Variants in ANKRD11 observed in about 807,000 individuals in gnomAD.
ANKRD11 encodes the protein ankyrin repeat domain 11, also known as ankyrin repeat domain-containing protein 11.
In ANKRD11, 17 loss-of-function variants were observed where a neutral mutation model predicts 195.7. The ratio of observed to expected loss-of-function variants is 0.09; its 90% CI spans 0.06 to 0.13. The LOEUF (loss-of-function observed/expected upper bound fraction) is 0.13, where lower values mean the gene tolerates loss of function less well. Among genes scored for constraint, ANKRD11 ranks in the 10% least tolerant of loss-of-function variants. The pLI, the probability that ANKRD11 is intolerant of heterozygous loss-of-function variation, is 1.00. For synonymous variants in ANKRD11, 1,953 were observed against 1,528.1 expected, an observed-to-expected ratio of 1.28 and a Z score of -6.49; for missense variants, 3,735 against 3,566.1, an observed-to-expected ratio of 1.05 and a Z score of -1.21.
chr16:89,448,180 C>T (rs1567819642), intron 1 of ANKRD11, among the ~76,000 whole-genome samples: 1 of 151,736 alleles, frequency 6.6e-6, no homozygotes, highest in Non-Finnish European at 1.5e-5. Context: ...CAGTGGGCAC[C>T]CTGCAGACAG....
chr16:89,490,024 C>T (rs1306327048), intron 1 of ANKRD11, among the ~76,000 whole-genome samples: 3 of 147,778 alleles, frequency 2.0e-5, no homozygotes, highest in East Asian at 4.0e-4. Flanking sequence ...CCCCCGGCTG[C>T]CCCGAACCCG....
At chr16:89,486,167 G>A (rs974919265) in intron 1 of ANKRD11, among the ~76,000 whole-genome samples, 1 of 152,152 alleles carries the variant, frequency 6.6e-6, no homozygotes, top group Non-Finnish European at 1.5e-5. Context: ...GAAAACAAAA[G>A]GGGGCTGAGC....
intron 4 of ANKRD11, among the ~76,000 whole-genome samples, chr16:89,303,821 T>C (rs958112958): frequency 1.3e-5 from 2 of 152,090 alleles, no homozygotes; most frequent in Non-Finnish European, 2.9e-5. Flanking sequence ...GGATCCTCTT[T>C]ACTGGCTGTG....
At chr16:89,320,453 T>C (rs991311179) in intron 2 of ANKRD11, 3 of 152,228 alleles carry the variant, frequency 2.0e-5, no homozygotes, top group African/African-American at 4.8e-5. Flanking sequence ...TCACGCCCTG[T>C]GCTGAGCGGC....
At chr16:89,275,683 G>T (rs2033593231) in intron 9 of ANKRD11, among the ~76,000 whole-genome samples, 1 of 152,144 alleles carries the variant, frequency 6.6e-6, no homozygotes. Flanking sequence ...GCTCGGGGGA[G>T]GGAAGCACGC....
intron 2 of ANKRD11, among the ~76,000 whole-genome samples, chr16:89,413,982 C>G (rs898266346): frequency 4.6e-5 from 7 of 152,242 alleles, no homozygotes; most frequent in Admixed American, 1.3e-4. Flanking sequence ...GCGGAGGGGG[C>G]TCGGCTCTGG....
intron 1 of ANKRD11, among the ~76,000 whole-genome samples, chr16:89,438,486 A>C (rs1239669613): frequency 6.6e-6 from 1 of 151,894 alleles, no homozygotes; most frequent in Non-Finnish European, 1.5e-5. Flanking sequence ...CATCCAGCTA[A>C]TTTGTGTGTG....
chr16:89,273,871 C>G (rs559059165), intron 11 of ANKRD11, among the ~76,000 whole-genome samples: 2 of 152,002 alleles, frequency 1.3e-5, no homozygotes, highest in African/African-American at 4.8e-5. Flanking sequence ...GTGCCCAGGG[C>G]TGGGGTGGCG....
At position 89,267,725 on chromosome 16, in the gene ANKRD11, A is replaced by G. The variant is rs1200787845; in HGVS notation, c.*753T>C. 1 of 152,378 alleles carries G rather than the reference A, an allele frequency of 6.6e-6. No individual in the cohort carries two copies. Among genetic ancestry groups the G allele is most frequent in the Non-Finnish European group, 1.5e-5 (1 of 68,070 alleles). 9.4% of individuals were successfully genotyped at this position (152,378 alleles called of 1,614,324 possible). A position where few individuals can be genotyped will look rare whatever the true frequency, so the allele number is the denominator to read the frequency against. On this transcript the variant is annotated 3_prime_UTR_variant, in exon 13 of 13. Transcript: ENST00000301030. ...TGTGCAGTAATGTGTTGCAAAATAAATTATCTAGAAGGCAGCAAAAGTACA... is the reference window on the plus strand; with the variant it reads ...TGTGCAGTAATGTGTTGCAAAATAAGTTATCTAGAAGGCAGCAAAAGTACA...
chr16:89,340,819 A>G lies in ANKRD11; in HGVS notation c.-59-23741T>C, dbSNP rs537424591. On this transcript the variant is annotated intron_variant, in intron 2 of 12. Transcript: ENST00000301030. ...CCCAGAAATCACACAGAAAATGTAC[A>G]GGTATGTGGACAGTCCTGGGGAGAG... Among the ~76,000 whole-genome samples, 168 of 152,338 alleles carry G rather than the reference A, an allele frequency of 1.1e-3. 2 individuals are homozygous for G. Among genetic ancestry groups the G allele is most frequent in the Non-Finnish European group, 1.9e-3 (132 of 68,022 alleles).
intron 1 of ANKRD11, among the ~76,000 whole-genome samples, chr16:89,445,632 C>G (rs1482366765): frequency 6.6e-6 from 1 of 152,148 alleles, no homozygotes; most frequent in Non-Finnish European, 1.5e-5. Context: ...ACTCTGATAT[C>G]TCAACATCCT....
chr16:89,281,953 A>C lies in ANKRD11; in HGVS notation c.4589T>G (p.Leu1530Arg). Residue 1530 changes from leucine to arginine, a missense_variant, in exon 9 of 13, where the codon CTG (leucine) becomes CGG (arginine). Coordinates refer to ENST00000301030, the MANE Select transcript of ANKRD11 (RefSeq NM_013275.6). The surrounding 1 kb of genome is among the most constrained non-coding windows in gnomAD (Gnocchi z 5.5). ...TGCACCGTCCTTGAATTTCTCCTTC[A>C]GTTTGGCATCGCCGAGCCTCGGGCC... Reference protein sequence around the residue: ...DEGPRLGDAKLKEKFKDGAEK... With the variant: ...DEGPRLGDAKRKEKFKDGAEK... 1 of 1,612,548 alleles carries C rather than the reference A, an allele frequency of 6.2e-7. No individual in the cohort carries two copies. The highest frequency in any genetic ancestry group is 8.5e-7 in the Non-Finnish European group (1 of 1,179,982).
rs1360053875 is a variant in ANKRD11 at position 89,284,111 on chromosome 16, C to T, written c.2431G>A (p.Asp811Asn). 6.2e-7 allele frequency: 1 copy of T among 1,613,790 alleles called. No individual in the cohort carries two copies. The highest frequency in any genetic ancestry group is 8.5e-7 in the Non-Finnish European group (1 of 1,179,828). Residue 811 changes from aspartate (D) to asparagine (N), a missense_variant, in exon 9 of 13, where the codon GAT (aspartate) becomes AAT (asparagine). By Grantham distance (23) the Asp-to-Asn change is conservative. Transcript: ENST00000301030. Reference sequence around the variant, plus strand: ...TTACAATATTCGTCAAAAGCAGAATCTTCCCTATAAACCTTTTCTTTTTTG... The same window carrying T: ...TTACAATATTCGTCAAAAGCAGAATTTTCCCTATAAACCTTTTCTTTTTTG... ...KLKKEKVYRE[D>N]SAFDEYCNKN...
chr16:89,378,743 C>A (rs115306589), intron 2 of ANKRD11, among the ~76,000 whole-genome samples: 2,105 of 152,256 alleles, frequency 0.014, 59 homozygotes, highest in African/African-American at 0.048. Context: ...CCATGCCTGG[C>A]TAATTTTTTG....
chr16:89,456,799 G>A (rs1297661753), intron 1 of ANKRD11, among the ~76,000 whole-genome samples: 5 of 152,188 alleles, frequency 3.3e-5, no homozygotes, highest in African/African-American at 1.2e-4. Flanking sequence ...AACAGTGGCT[G>A]AAGAGCTGCG....
chr16:89,443,197 C>T (rs944237289), intron 1 of ANKRD11: 1 of 152,024 alleles, frequency 6.6e-6, no homozygotes, highest in Non-Finnish European at 1.5e-5. Flanking sequence ...TCACCCTGAC[C>T]TCAAGTGATC....
At chr16:89,298,570 C>T (rs1222264445) in intron 4 of ANKRD11, among the ~76,000 whole-genome samples, 1 of 152,234 alleles carries the variant, frequency 6.6e-6, no homozygotes, top group Non-Finnish European at 1.5e-5. Flanking sequence ...ACTGCTCCCA[C>T]GGCAGCCACC....
chr16:89,480,468 C>T (rs2057408885), intron 1 of ANKRD11, among the ~76,000 whole-genome samples: 1 of 151,368 alleles, frequency 6.6e-6, no homozygotes, highest in African/African-American at 2.4e-5. Context: ...CAGAGTGAGA[C>T]TCCATCTCAA....
At chr16:89,323,039 C>T (rs2037431758) in intron 2 of ANKRD11, 4 of 305,598 alleles carry the variant, frequency 1.3e-5, no homozygotes, top group South Asian at 2.6e-5. Context: ...AGTCGGGTTT[C>T]GCCATGCTTC....
Sources: allele counts gnomAD v4.1 joint callset (sites outside exome capture counted in the v4.1 genomes callset), GRCh38; gene constraint gnomAD v4.1.1; non-coding constraint Gnocchi (gnomAD v3.1); transcripts MANE v1.5; gene names NCBI Gene and HGNC (gene_info 2026-07-23, HGNC 2026-07-21).